Variants in SECISBP2L observed in about 807,000 individuals in gnomAD.
The protein encoded by SECISBP2L is selenocysteine insertion sequence-binding protein 2-like.
A neutral mutation model predicts 114.7 loss-of-function variants in SECISBP2L; 43 were observed. The ratio of observed to expected loss-of-function variants is 0.38; its 90% CI spans 0.29 to 0.48. The LOEUF is 0.48. Ranked by LOEUF, SECISBP2L falls within the 20% of genes least tolerant of loss-of-function variation. SECISBP2L has a pLI of 0.98. For missense variants in SECISBP2L, 1,136 were observed against 1,301.1 expected, an observed-to-expected ratio of 0.87 and a Z score of 1.95; for synonymous variants, 451 against 439.7, an observed-to-expected ratio of 1.03 and a Z score of -0.32.
In SECISBP2L at chr15:49,000,002, A is replaced by G; in HGVS notation, c.2249-15T>C. On this transcript the variant is annotated splice_polypyrimidine_tract_variant and intron_variant, in intron 15 of 17. Transcript: ENST00000559471. Reference sequence around the variant, plus strand: ...ATCCAGACCACCTGAGAAAATCAACACATGCAGACGCCTTTAGTTGTTGCC... The same window carrying G: ...ATCCAGACCACCTGAGAAAATCAACGCATGCAGACGCCTTTAGTTGTTGCC... 3 of 1,612,678 alleles carry G rather than the reference A, an allele frequency of 1.9e-6. No homozygotes were observed. Among genetic ancestry groups the G allele is most frequent in the Non-Finnish European group, 2.5e-6 (3 of 1,179,170 alleles).
At chr15:49,040,697 G>A (rs988947694) in intron 1 of SECISBP2L, among the ~76,000 whole-genome samples, 9 of 150,722 alleles carry the variant, frequency 6.0e-5, no homozygotes, top group Non-Finnish European at 1.2e-4. Flanking sequence ...CATCACGCCC[G>A]GCTAATTTTT....
intron 14 of SECISBP2L, among the ~76,000 whole-genome samples, chr15:49,005,560 C>CTTT (rs752466722): frequency 1.4e-4 from 5 of 36,780 alleles, no homozygotes; most frequent in African/African-American, 3.8e-4. Context: ...GCAACCCCTG[C>CTTT]TTTTTTTTTT....
chr15:49,002,241 C>T (rs1902227745), intron 14 of SECISBP2L, among the ~76,000 whole-genome samples: 1 of 152,220 alleles, frequency 6.6e-6, no homozygotes, highest in Non-Finnish European at 1.5e-5. Context: ...TTCTTGACCG[C>T]ATAAACGTCT....
chr15:49,017,745 T>C, intron 8 of SECISBP2L, 117 bp from the exon 9 acceptor site: 2 of 657,206 alleles, frequency 3.0e-6, no homozygotes, highest in Non-Finnish European at 4.9e-6. Context: ...TACTGAATTA[T>C]TCAAAGTCGG....
chr15:49,002,208 GTGA>G (rs750009200), intron 14 of SECISBP2L, among the ~76,000 whole-genome samples: 11 of 152,334 alleles, frequency 7.2e-5, no homozygotes, highest in Non-Finnish European at 1.6e-4. Context: ...CTAATGACCA[GTGA>G]TGATGAGTTT....
intron 1 of SECISBP2L, among the ~76,000 whole-genome samples, chr15:49,045,294 A>G (rs1458145422): frequency 6.6e-6 from 1 of 152,242 alleles, no homozygotes. Flanking sequence ...ATATAGACAC[A>G]TACAGGAATT....
Position 48,989,785 on chromosome 15 carries a change from G to A in SECISBP2L, c.*2459C>T, listed in dbSNP as rs1305547734. 6.6e-6 allele frequency: 1 copy of A among 152,048 alleles called. No homozygotes were observed. Among genetic ancestry groups the A allele is most frequent in the Non-Finnish European group, 1.5e-5 (1 of 67,998 alleles). The allele number at this position is 152,048 out of a possible 1,614,324, so 9.4% of individuals were successfully genotyped here. ...CTCTTCCCACTGGATCTCTTTATAG[G>A]TCTTCAAAGAGCCAACCATGCCCAC... On this transcript the variant is annotated 3_prime_UTR_variant, in exon 18 of 18. Transcript: ENST00000559471.
rs1901924545 is a variant in SECISBP2L, at chr15:48,989,401, A to T, written c.*2843T>A. ...TAATTCTTTTCCAAATACTGGAATC[A>T]TATAAAATACCATCTCTGCAAAAAC... On this transcript the variant is annotated 3_prime_UTR_variant, in exon 18 of 18. Coordinates refer to ENST00000559471, the MANE Select transcript of SECISBP2L (RefSeq NM_001193489.2). 1 of 152,738 alleles carries T rather than the reference A, an allele frequency of 6.5e-6. No individual in the cohort carries two copies. Among genetic ancestry groups the T allele is most frequent in the East Asian group, 1.9e-4 (1 of 5,188 alleles). 9.5% of individuals were successfully genotyped at this position (152,738 alleles called of 1,614,324 possible).
chr15:49,039,787 C>T (rs1215270220), intron 1 of SECISBP2L, among the ~76,000 whole-genome samples: 1 of 151,980 alleles, frequency 6.6e-6, no homozygotes, highest in African/African-American at 2.4e-5. Context: ...ACCTCAGCCT[C>T]CCAAAGTGCT....
chr15:48,997,850 C>A (rs1262151091), intron 16 of SECISBP2L, among the ~76,000 whole-genome samples: 1 of 151,980 alleles, frequency 6.6e-6, no homozygotes, highest in African/African-American at 2.4e-5. Flanking sequence ...GCCTGGGCAA[C>A]AAGAGTGAAC....
intron 8 of SECISBP2L, among the ~76,000 whole-genome samples, chr15:49,018,690 T>C (rs1435468668): frequency 1.3e-5 from 2 of 152,228 alleles, no homozygotes; most frequent in Non-Finnish European, 2.9e-5. Flanking sequence ...TTACCGGAGA[T>C]GTGTGGTGAA....
rs374375146 is a variant in SECISBP2L at position 49,037,653 on chromosome 15, T to G, written c.141A>C (p.Pro47=). The G allele has an allele frequency of 6.2e-7, 1 of 1,613,910 alleles. No individual in the cohort carries two copies. The highest frequency in any genetic ancestry group is 8.5e-7 in the Non-Finnish European group (1 of 1,179,906). The change falls in exon 2 of 18, where the codon CCA becomes CCC. Residue 47 remains proline (P), a synonymous_variant. Transcript: ENST00000559471. ...NDNGSVSGVE[P]TPIPSYLITC... ...TAATCAGGTAGCTGGGAATTGGAGT[T>G]GGTTCCACACCAGAAACACTTCCAT...
In SECISBP2L at chr15:48,989,103, A is replaced by T. The variant is rs1055547583; in HGVS notation, c.*3141T>A. On this transcript the variant is annotated 3_prime_UTR_variant, in exon 18 of 18. Transcript: ENST00000559471. ...GTTGATGTTCTAACCTGTTGGCCCA[A>T]CATACAGAAAATACATGACAAGGGT... The T allele has an allele frequency of 6.6e-6, 1 of 150,856 alleles. No homozygotes were observed. The highest frequency in any genetic ancestry group is 2.4e-5 in the African/African-American group (1 of 41,128). 9.3% of individuals were successfully genotyped at this position (150,856 alleles called of 1,614,324 possible).
intron 7 of SECISBP2L, among the ~76,000 whole-genome samples, chr15:49,026,076 A>ACATGGATGAGCCTAGAG (rs1305593509): frequency 3.3e-5 from 5 of 152,252 alleles, no homozygotes; most frequent in African/African-American, 1.2e-4. Flanking sequence ...ATTCACAGCA[A>ACATGGATGAGCCTAGAG]CATGGATGAG....
In SECISBP2L at chr15:48,989,608, C is replaced by G. The variant is rs1901928858; in HGVS notation, c.*2636G>C. On this transcript the variant is annotated 3_prime_UTR_variant, in exon 18 of 18. Transcript: ENST00000559471. The stretch of plus-strand genomic sequence containing the variant: ...CAAACAAACCTACTGAAGCAGAAAT[C>G]TAACTTTGGAAGTGTAATTCATATT... 1 of 152,472 alleles carries G rather than the reference C, an allele frequency of 6.6e-6. No individual in the cohort carries two copies. The highest frequency in any genetic ancestry group is 1.5e-5 in the Non-Finnish European group (1 of 68,022). 9.4% of individuals were successfully genotyped at this position (152,472 alleles called of 1,614,324 possible). A position where few individuals can be genotyped will look rare whatever the true frequency, so the allele number is the denominator to read the frequency against.
chr15:48,988,676 CCCA>C lies in SECISBP2L; in HGVS notation c.*3565_*3567del. On this transcript the variant is annotated 3_prime_UTR_variant, in exon 18 of 18. Coordinates refer to ENST00000559471, the MANE Select transcript of SECISBP2L (RefSeq NM_001193489.2). The stretch of plus-strand genomic sequence containing the variant: ...ATCATTTTATTAGTACAGAAGAATC[CCCA>C]CTAGTATTTACATAGTGCAAAAAAG... The C allele has an allele frequency of 2.2e-6, 1 of 454,324 alleles. No homozygotes were observed. The highest frequency in any genetic ancestry group is 4.4e-6 in the Non-Finnish European group (1 of 226,016). The allele number at this position is 454,324 out of a possible 1,614,324, so 28.1% of individuals were successfully genotyped here. A position where few individuals can be genotyped will look rare whatever the true frequency, so the allele number is the denominator to read the frequency against.
intron 11 of SECISBP2L, among the ~76,000 whole-genome samples, chr15:49,014,352 T>C (rs1347141316): frequency 6.6e-6 from 1 of 152,230 alleles, no homozygotes; most frequent in Non-Finnish European, 1.5e-5. Context: ...TGAACATCTT[T>C]TTCCTAATTT....
intron 14 of SECISBP2L, among the ~76,000 whole-genome samples, chr15:49,005,867 G>C (rs1433506499): frequency 6.6e-6 from 1 of 151,926 alleles, no homozygotes; most frequent in East Asian, 1.9e-4. Flanking sequence ...TTACAATTTG[G>C]TATGTTTTTG....
chr15:49,014,408 G>A (rs1311543829), intron 11 of SECISBP2L, among the ~76,000 whole-genome samples: 4 of 152,008 alleles, frequency 2.6e-5, no homozygotes, highest in African/African-American at 9.7e-5. Context: ...ACAATCATCT[G>A]TATTTGAAAC....
Sources: gnomAD v4.1 joint callset for allele counts (sites outside exome capture counted in the v4.1 genomes callset) on GRCh38, gnomAD v4.1.1 for gene constraint, MANE v1.5 for transcripts, NCBI Gene and HGNC (gene_info 2026-07-23, HGNC 2026-07-21) for gene names.